RRBP1: variants seen among roughly 807,000 people sequenced by gnomAD.
RRBP1 encodes the protein ribosome-binding protein 1.
A neutral mutation model predicts 165.2 loss-of-function variants in RRBP1; 94 were observed. The observed-to-expected ratio is 0.57, with a 90% CI of 0.48 to 0.68. The LOEUF is 0.68. RRBP1 is among the 30% of genes least tolerant of loss of function. The pLI is 0.00. For synonymous variants in RRBP1, 680 were observed against 714.5 expected (o/e 0.95, Z 0.77); for missense variants, 1,676 against 1,763.0 (o/e 0.95, Z 0.88).
rs1464432613 is a variant in RRBP1 at position 17,643,034 on chromosome 20, C to T, written c.2006G>A (p.Arg669Gln). Reference sequence around the variant, plus strand: ...CTTCTCAGACAGGATCTCGATGAGCCGCTGGGCCTCGCCCTCGTTGAACAC... The same window carrying T: ...CTTCTCAGACAGGATCTCGATGAGCTGCTGGGCCTCGCCCTCGTTGAACAC... The part of the protein sequence containing the change: ...SMVFNEGEAQ[R>Q]LIEILSEKAG... The change falls in exon 4 of 25, where the codon CGG becomes CAG. Residue 669 changes from arginine to glutamine, a missense_variant. Physicochemically the swap from Arg to Gln is conservative, Grantham distance 43. Coordinates refer to ENST00000377813, the MANE Select transcript of RRBP1 (RefSeq NM_001365613.2). This position sits in a 1 kb window ranked among gnomAD's most constrained non-coding sequence, Gnocchi z 4.3. 8 of 1,613,934 alleles carry T rather than the reference C, an allele frequency of 5.0e-6. No homozygotes were observed. The highest frequency in any genetic ancestry group is 1.6e-4 in the Middle Eastern group (1 of 6,084).
rs1011970983 is a variant in RRBP1 at position 17,628,539 on chromosome 20, CAT to C, written c.2750-859_2750-858del. Among the ~76,000 whole-genome samples, 16 of 152,234 alleles carry C rather than the reference CAT, an allele frequency of 1.1e-4. 1 individual carries two copies. The highest frequency in any genetic ancestry group is 1.9e-4 in the East Asian group (1 of 5,182). On this transcript the variant is annotated intron_variant, in intron 9 of 24. Transcript: ENST00000377813. Reference sequence around the variant, plus strand: ...CCTGGTGTCAGTGTCCAGAAGCGCACATGAGACGACTTCATCTCCTGCCCCAA... The same window carrying C: ...CCTGGTGTCAGTGTCCAGAAGCGCACGAGACGACTTCATCTCCTGCCCCAA...
At chr20:17,636,780 G>A (rs1472331380) in intron 5 of RRBP1, 51 bp from the exon 6 acceptor site, 3 of 1,605,982 alleles carry the variant, frequency 1.9e-6, no homozygotes, top group Non-Finnish European at 2.5e-6. Flanking sequence ...CAGGGCAGGA[G>A]CCTATCAGAA....
intron 11 of RRBP1, 120 bp from the exon 12 acceptor site, chr20:17,625,722 G>A: frequency 6.1e-6 from 5 of 822,598 alleles, no homozygotes; most frequent in African/African-American, 1.7e-5. Flanking sequence ...GCCAGGGACG[G>A]TCCCTTCTGG....
Position 17,615,479 on chromosome 20 carries a change from T to C in RRBP1, c.4002A>G (p.Thr1334=), listed in dbSNP as rs1439227329. 6.2e-7 allele frequency: 1 copy of C among 1,607,468 alleles called. No individual in the cohort carries two copies. Among genetic ancestry groups the C allele is most frequent in the Non-Finnish European group, 8.5e-7 (1 of 1,177,958 alleles). ...TTTCTGAAGACTCTAGGGGGCCGGC[T>C]GTGCGGAGCTTCTCCAATTCTTCTT... ...RLQEELEKLR[T]AGPLESSETE... The change falls in exon 23 of 25, where the codon ACA becomes ACG. Residue 1334 remains threonine (T), a synonymous_variant. Transcript: ENST00000377813.
intron 24 of RRBP1, among the ~76,000 whole-genome samples, 195 bp from the exon 25 acceptor site, chr20:17,614,415 C>T (rs573457893): frequency 1.7e-4 from 26 of 152,294 alleles, no homozygotes; most frequent in Admixed American, 7.2e-4. Flanking sequence ...GGGAAACCAT[C>T]ATCCTGCAGG....
chr20:17,618,740 C>G, intron 19 of RRBP1, 61 bp from the exon 20 acceptor site: 1 of 1,316,052 alleles, frequency 7.6e-7, no homozygotes, highest in Non-Finnish European at 1.1e-6. Context: ...AAAACCAGTC[C>G]CCGTGAGTTA....
intron 3 of RRBP1, among the ~76,000 whole-genome samples, chr20:17,647,165 G>A (rs1347501207): frequency 1.3e-5 from 2 of 152,244 alleles, no homozygotes; most frequent in African/African-American, 4.8e-5. Flanking sequence ...CACAAAGTAT[G>A]TACCACCTGC....
At chr20:17,627,720 G>A (rs1238575918) in intron 9 of RRBP1, 38 bp from the exon 10 acceptor site, 1 of 1,545,902 alleles carries the variant, frequency 6.5e-7, no homozygotes, top group East Asian at 2.3e-5. Context: ...TTAAGAGACT[G>A]CAAACCCCAG....
intron 2 of RRBP1, among the ~76,000 whole-genome samples, chr20:17,665,128 C>T (rs1568786921): frequency 6.6e-6 from 1 of 151,842 alleles, no homozygotes; most frequent in East Asian, 1.9e-4. Context: ...GGGACACACA[C>T]ACATGTGTAT....
chr20:17,658,425 A>G (rs905767304), intron 3 of RRBP1, among the ~76,000 whole-genome samples, 171 bp downstream of exon 3: 1 of 152,214 alleles, frequency 6.6e-6, no homozygotes, highest in African/African-American at 2.4e-5. Context: ...CAGAAGCATG[A>G]GCAACAATAA....
At chr20:17,680,971 G>A (rs73599770) in intron 1 of RRBP1, among the ~76,000 whole-genome samples, 19,904 of 152,114 alleles carry the variant, frequency 0.13, 1,599 homozygotes, top group Middle Eastern at 0.24. Flanking sequence ...GCCAGCCGGG[G>A]CACTCTAGAG....
chr20:17,663,030 A>C (rs1428286073), intron 2 of RRBP1, among the ~76,000 whole-genome samples: 1 of 152,060 alleles, frequency 6.6e-6, no homozygotes, highest in African/African-American at 2.4e-5. Context: ...AAAATAAAAA[A>C]TCCTCTAAAA....
At chr20:17,650,713 T>C (rs1202532572) in intron 3 of RRBP1, among the ~76,000 whole-genome samples, 1 of 152,182 alleles carries the variant, frequency 6.6e-6, no homozygotes. Flanking sequence ...AATGTACATA[T>C]GTACTTCCTC....
chr20:17,675,865 T>C (rs1032263519), intron 2 of RRBP1, among the ~76,000 whole-genome samples: 2 of 152,032 alleles, frequency 1.3e-5, no homozygotes, highest in Non-Finnish European at 2.9e-5. Context: ...GCAGGGGGTA[T>C]AGGCAAAGGC....
At chr20:17,674,819 T>C (rs1163496897) in intron 2 of RRBP1, among the ~76,000 whole-genome samples, 1 of 152,114 alleles carries the variant, frequency 6.6e-6, no homozygotes, top group Admixed American at 6.5e-5. Flanking sequence ...ACACAAAATC[T>C]ACCTCTTTTC....
intron 13 of RRBP1, among the ~76,000 whole-genome samples, chr20:17,624,296 G>T (rs1442107840): frequency 1.3e-5 from 2 of 152,180 alleles, no homozygotes; most frequent in African/African-American, 4.8e-5. Flanking sequence ...CACTGTGTGC[G>T]TCCTAGTGCA....
At chr20:17,681,759 C>T (rs2037194847) in intron 1 of RRBP1, among the ~76,000 whole-genome samples, 1 of 150,778 alleles carries the variant, frequency 6.6e-6, no homozygotes, top group South Asian at 2.1e-4. Context: ...CGTCTGCCGC[C>T]GCAGCTCCCC....
At position 17,658,724 on chromosome 20, in the gene RRBP1, T is replaced by C. The variant is rs369630916; in HGVS notation, c.1784A>G (p.Asn595Ser). 14 of 1,614,138 alleles carry C rather than the reference T, an allele frequency of 8.7e-6. No individual in the cohort carries two copies. Among genetic ancestry groups the C allele is most frequent in the African/African-American group, 4.0e-5 (3 of 74,950 alleles). Residue 595 changes from asparagine (N) to serine (S), a missense_variant, in exon 3 of 25, where the codon AAT becomes AGT. This residue lies in a region of RRBP1 where 1,184 missense variants were observed against 1,167.1 expected (regional missense o/e 1.01). Coordinates refer to ENST00000377813, the MANE Select transcript of RRBP1 (RefSeq NM_001365613.2). ...NQGKKADAAA[N>S]QGKKTESASV... is the part of the protein sequence containing the mutation. ...AGCTGACTCTGTCTTTTTACCCTGATTGGCAGCTGCGTCTGCCTTTTTGCC... is the reference window on the plus strand; with the variant it reads ...AGCTGACTCTGTCTTTTTACCCTGACTGGCAGCTGCGTCTGCCTTTTTGCC...
At chr20:17,660,587 T>C (rs1156803954) in intron 2 of RRBP1, 59 bp from the exon 3 acceptor site, 2 of 1,009,524 alleles carry the variant, frequency 2.0e-6, no homozygotes, top group African/African-American at 3.2e-5. Context: ...ACAGTTTCTA[T>C]CCCCACCCTA....
Sources: gnomAD v4.1 joint callset for allele counts (sites outside exome capture counted in the v4.1 genomes callset) on GRCh38, gnomAD v4.1.1 for gene constraint, gnomAD v4.1.1 regional missense constraint, Gnocchi (gnomAD v3.1) non-coding constraint, MANE v1.5 for transcripts, NCBI Gene and HGNC (gene_info 2026-07-23, HGNC 2026-07-21) for gene names.